The following CIT variants were observed in gnomAD, a reference collection of about 807,000 sequenced individuals.
CIT encodes citron rho-interacting serine/threonine kinase.
In CIT, 79 loss-of-function variants were observed where a neutral mutation model predicts 272.7. That is an observed-to-expected ratio of 0.29 (90% CI 0.24 to 0.35). The LOEUF (loss-of-function observed/expected upper bound fraction) is 0.35, where lower values mean the gene tolerates loss of function less well. Ranked by LOEUF, CIT falls within the 10% of genes least tolerant of loss-of-function variation. The probability of loss-of-function intolerance (pLI) is 1.00; values close to 1 mark genes in which losing one functional copy is unlikely to be tolerated. For synonymous variants in CIT, 948 were observed against 995.6 expected, an observed-to-expected ratio of 0.95 and a Z score of 0.90; for missense variants, 1,909 against 2,618.3, an observed-to-expected ratio of 0.73 and a Z score of 5.91.
intron 13 of CIT, 154 bp downstream of exon 13, chr12:119,782,364 T>C: frequency 2.7e-6 from 2 of 745,814 alleles, no homozygotes; most frequent in Non-Finnish European, 4.3e-6. Context: ...AATCTGAAGT[T>C]TCTGAATGAC....
intron 10 of CIT, 76 bp from the exon 11 acceptor site, chr12:119,785,141 G>C: frequency 2.0e-6 from 3 of 1,481,704 alleles, no homozygotes; most frequent in Non-Finnish European, 2.8e-6. Context: ...TGCAACATTT[G>C]TTTCATTTTA....
Position 119,844,607 on chromosome 12 carries a change from A to G in CIT, c.516+5567T>C, listed in dbSNP as rs569444437. Among the ~76,000 whole-genome samples, 98 of 152,320 alleles carry G rather than the reference A, an allele frequency of 6.4e-4. 1 individual carries two copies. Among genetic ancestry groups the G allele is most frequent in the African/African-American group, 2.1e-3 (88 of 41,586 alleles). On this transcript the variant is annotated intron_variant, in intron 5 of 47. Transcript: ENST00000392521. ...GACGTATGAGCATATCTTAATTTCCATGCTAAATTTGAGCTTTTATGTGAA... is the reference window on the plus strand; with the variant it reads ...GACGTATGAGCATATCTTAATTTCCGTGCTAAATTTGAGCTTTTATGTGAA...
chr12:119,828,709 C>T (rs879324795), intron 7 of CIT, among the ~76,000 whole-genome samples: 13 of 151,884 alleles, frequency 8.6e-5, no homozygotes, highest in Non-Finnish European at 1.5e-4. Flanking sequence ...ACTACAGGTG[C>T]GCACCACCAC....
chr12:119,801,389 G>A (rs3858710), intron 10 of CIT, among the ~76,000 whole-genome samples: 67,515 of 151,966 alleles, frequency 0.44, 15,713 homozygotes, highest in Admixed American at 0.6. Context: ...GAAAGATGTC[G>A]TTCAAGTCTT....
intron 4 of CIT, among the ~76,000 whole-genome samples, chr12:119,854,793 A>G (rs1216252295): frequency 6.6e-6 from 1 of 151,986 alleles, no homozygotes; most frequent in African/African-American, 2.4e-5. Context: ...TGCACTAAAA[A>G]TACAAAAATT....
At chr12:119,795,338 G>A (rs1422942029) in intron 10 of CIT, among the ~76,000 whole-genome samples, 5 of 152,208 alleles carry the variant, frequency 3.3e-5, no homozygotes. Context: ...AATAAGCTGA[G>A]ATTGTGTCAC....
chr12:119,761,873 T>C (rs1050874656), intron 19 of CIT, among the ~76,000 whole-genome samples: 3 of 152,160 alleles, frequency 2.0e-5, no homozygotes, highest in Non-Finnish European at 1.5e-5. Flanking sequence ...CTAATGTTCT[T>C]TGGGGCACAC....
intron 9 of CIT, among the ~76,000 whole-genome samples, chr12:119,813,445 T>G (rs575918739): frequency 6.6e-6 from 1 of 152,184 alleles, no homozygotes; most frequent in Non-Finnish European, 1.5e-5. Flanking sequence ...TTTAGTTCTA[T>G]CCAAACTTCA....
chr12:119,832,752 A>C lies in CIT; in HGVS notation c.753+19T>G, dbSNP rs1373165118. On this transcript the variant is annotated intron_variant, in intron 7 of 47. Coordinates refer to ENST00000392521, the MANE Select transcript of CIT (RefSeq NM_001206999.2). Reference sequence around the variant, plus strand: ...TTTTTAGTATAAACTCTATTAAGCTATCTTATTCCATTTTTTACCATCTTG... The same window carrying C: ...TTTTTAGTATAAACTCTATTAAGCTCTCTTATTCCATTTTTTACCATCTTG... 20 of 1,589,390 alleles carry C rather than the reference A, an allele frequency of 1.3e-5. No individual in the cohort carries two copies. Among genetic ancestry groups the C allele is most frequent in the Non-Finnish European group, 1.6e-5 (19 of 1,157,618 alleles).
intron 5 of CIT, 88 bp downstream of exon 5, chr12:119,850,086 A>G (rs1485036390): frequency 6.9e-6 from 6 of 869,958 alleles, no homozygotes; most frequent in African/African-American, 1.7e-5. Context: ...ATGAGACCAC[A>G]TGGGCAAGAA....
At position 119,697,289 on chromosome 12, in the gene CIT, A is replaced by G. The variant is rs1044138409; in HGVS notation, c.5882+370T>C. Among the ~76,000 whole-genome samples the G allele has an allele frequency of 6.6e-6, 1 of 152,122 alleles. No homozygotes were observed. The highest frequency in any genetic ancestry group is 2.4e-5 in the African/African-American group (1 of 41,428). ...CTCCCACTGGGCTGTGAGTGCCATCAGGGAGGGGCTACATCTGCTTTATTC... is the reference window on the plus strand; with the variant it reads ...CTCCCACTGGGCTGTGAGTGCCATCGGGGAGGGGCTACATCTGCTTTATTC... On this transcript the variant is annotated intron_variant, in intron 46 of 47. Coordinates refer to ENST00000392521, the MANE Select transcript of CIT (RefSeq NM_001206999.2). The surrounding 1 kb of genome is among the most constrained non-coding windows in gnomAD (Gnocchi z 4.9).
At chr12:119,780,742 C>G (rs1464843748) in intron 13 of CIT, among the ~76,000 whole-genome samples, 1 of 152,208 alleles carries the variant, frequency 6.6e-6, no homozygotes, top group South Asian at 2.1e-4. Context: ...GCATTAAAAG[C>G]TTTCTCCCAG....
At position 119,712,869 on chromosome 12, in the gene CIT, TA is replaced by T. The variant is rs113783917; in HGVS notation, c.4580-175del. 7,838 of 562,280 alleles carry T rather than the reference TA, an allele frequency of 0.014. 88 individuals carry two copies. The highest frequency in any genetic ancestry group is 0.015 in the Non-Finnish European group (4,649 of 318,010). The allele number at this position is 562,280 out of a possible 1,614,324, so 34.8% of individuals were successfully genotyped here. ...GTGCAGAGAAGGCAGAGAGGGAAGA[TA>T]AAAAAAAATAAAGTGTGTCAGATGA... is the stretch of plus-strand genomic sequence containing the variant. On this transcript the variant is annotated intron_variant, in intron 35 of 47. Coordinates refer to ENST00000392521, the MANE Select transcript of CIT (RefSeq NM_001206999.2). This position sits in a 1 kb window ranked among gnomAD's most constrained non-coding sequence, Gnocchi z 5.2.
chr12:119,689,666 CTTTTTTT>C (rs531946559), intron 47 of CIT, among the ~76,000 whole-genome samples: 2 of 75,078 alleles, frequency 2.7e-5, no homozygotes, highest in Non-Finnish European at 5.0e-5. Flanking sequence ...TTAGGAAGCT[CTTTTTTT>C]TTTTTTTTTT....
chr12:119,753,822 T>C (rs1009191697), intron 22 of CIT, among the ~76,000 whole-genome samples: 5 of 151,714 alleles, frequency 3.3e-5, no homozygotes, highest in Non-Finnish European at 7.4e-5. Flanking sequence ...TATGACAGAA[T>C]AGGAGAGAAA....
rs1244671629 is a variant in CIT, at chr12:119,713,759, C to G, written c.4307-111G>C. Reference sequence around the variant, plus strand: ...TCTACCCCAGCCGGGCCCAGAGAGTCTGGCCCTGGCTTGCAGGTAGTCTCC... The same window carrying G: ...TCTACCCCAGCCGGGCCCAGAGAGTGTGGCCCTGGCTTGCAGGTAGTCTCC... On this transcript the variant is annotated intron_variant, in intron 33 of 47. Transcript: ENST00000392521. The surrounding 1 kb of genome is among the most constrained non-coding windows in gnomAD (Gnocchi z 5.2). The G allele has an allele frequency of 7.8e-6, 9 of 1,154,920 alleles. No homozygotes were observed. In the South Asian group the frequency reaches 1.2e-4, roughly 15 times the overall value. The allele number at this position is 1,154,920 out of a possible 1,614,324, so 71.5% of individuals were successfully genotyped here.
chr12:119,709,154 A>C (rs1957025535), intron 39 of CIT, among the ~76,000 whole-genome samples: 2 of 152,220 alleles, frequency 1.3e-5, no homozygotes, highest in South Asian at 4.1e-4. Flanking sequence ...AAATTTCCTA[A>C]ATGCAGAAAT....
In CIT at chr12:119,826,283, G is replaced by T. The variant is rs280580; in HGVS notation, c.754-915C>A. Among the ~76,000 whole-genome samples the T allele has an allele frequency of 5.9e-5, 9 of 151,966 alleles. No individual in the cohort carries two copies. In the East Asian group the frequency reaches 1.7e-3, roughly 29 times the overall value. ...TGTTCCTGTGGTTCCCTCCCCCACC[G>T]TTCAGAAACCCAGGGGCTTATAATC... is the stretch of plus-strand genomic sequence containing the variant. On this transcript the variant is annotated intron_variant, in intron 7 of 47. Coordinates refer to ENST00000392521, the MANE Select transcript of CIT (RefSeq NM_001206999.2).
At chr12:119,857,406 T>C in intron 4 of CIT, 117 bp downstream of exon 4, 1 of 1,015,032 alleles carries the variant, frequency 9.9e-7, no homozygotes, top group South Asian at 1.8e-5. Flanking sequence ...TATAATTAAA[T>C]ATAGAGTCAC....
Sources: gnomAD v4.1 joint callset for allele counts (sites outside exome capture counted in the v4.1 genomes callset) on GRCh38, gnomAD v4.1.1 for gene constraint, Gnocchi (gnomAD v3.1) non-coding constraint, MANE v1.5 for transcripts, NCBI Gene and HGNC (gene_info 2026-07-23, HGNC 2026-07-21) for gene names.